NUP98: variants seen among roughly 807,000 people sequenced by gnomAD.
NUP98 encodes nuclear pore complex protein Nup98-Nup96.
In NUP98, 26 loss-of-function variants were observed where a neutral mutation model predicts 191.9. That is an observed-to-expected ratio of 0.14 (90% CI 0.10 to 0.19). NUP98 has a LOEUF of 0.19. Ranked by LOEUF, NUP98 falls within the 10% of genes least tolerant of loss-of-function variation. The pLI, the probability that NUP98 is intolerant of heterozygous loss-of-function variation, is 1.00. For missense variants in NUP98, 1,941 were observed against 2,178.8 expected, an observed-to-expected ratio of 0.89 and a Z score of 2.17; for synonymous variants, 808 against 778.4, an observed-to-expected ratio of 1.04 and a Z score of -0.63.
chr11:3,757,046 C>T (rs1266546014), intron 10 of NUP98, among the ~76,000 whole-genome samples: 2 of 151,130 alleles, frequency 1.3e-5, no homozygotes, highest in East Asian at 1.9e-4. Flanking sequence ...CGAGATCGTG[C>T]CGCTGCACTC....
chr11:3,702,320 CTCTCTCTCTCTCTCTCT>C (rs912780221), intron 23 of NUP98, 126 bp downstream of exon 23: 25 of 99,048 alleles, frequency 2.5e-4, no homozygotes, highest in South Asian at 1.7e-3. Context: ...CACACTCTCT[CTCTCTCTCTCTCTCTCT>C]CTCTCTCTCT....
intron 24 of NUP98, among the ~76,000 whole-genome samples, chr11:3,699,795 TAAAC>T (rs953664913): frequency 2.6e-5 from 4 of 152,158 alleles, no homozygotes; most frequent in African/African-American, 4.8e-5. Context: ...TGAAGGAACA[TAAAC>T]AAATCTCAAA....
chr11:3,688,265 G>C (rs2078189028), intron 28 of NUP98, among the ~76,000 whole-genome samples: 1 of 152,052 alleles, frequency 6.6e-6, no homozygotes, highest in African/African-American at 2.4e-5. Context: ...AATTAGCCGG[G>C]CGTGGTGGTG....
intron 31 of NUP98, among the ~76,000 whole-genome samples, chr11:3,677,228 C>T (rs1181718143): frequency 6.6e-6 from 1 of 152,090 alleles, no homozygotes; most frequent in Non-Finnish European, 1.5e-5. Flanking sequence ...AGAGAGGCTT[C>T]TTTAAGGAGG....
At chr11:3,744,697 A>G in intron 11 of NUP98, 48 bp from the exon 12 acceptor site, 1 of 1,563,694 alleles carries the variant, frequency 6.4e-7, no homozygotes, top group Admixed American at 2.1e-5. Flanking sequence ...GATCCTTTCA[A>G]TGTTGTGCCA....
chr11:3,715,030 T>C (rs1291654846), intron 18 of NUP98, among the ~76,000 whole-genome samples: 2 of 152,146 alleles, frequency 1.3e-5, no homozygotes, highest in African/African-American at 4.8e-5. Flanking sequence ...GATCAGACAG[T>C]AATTCTATTT....
intron 27 of NUP98, chr11:3,693,023 C>G: frequency 2.0e-6 from 1 of 492,596 alleles, no homozygotes; most frequent in Non-Finnish European, 3.6e-6. Flanking sequence ...GAAGAACCCT[C>G]TGATTTAGAG....
chr11:3,686,910 C>T (rs2078149780), intron 28 of NUP98, among the ~76,000 whole-genome samples: 1 of 152,066 alleles, frequency 6.6e-6, no homozygotes, highest in South Asian at 2.1e-4. Context: ...CTGCTGGAAC[C>T]CAGGAGGCGG....
intron 28 of NUP98, among the ~76,000 whole-genome samples, chr11:3,688,442 A>G (rs571562903): frequency 6.6e-6 from 1 of 151,230 alleles, no homozygotes; most frequent in Non-Finnish European, 1.5e-5. Flanking sequence ...ATAAATAAAA[A>G]CCAGTAAATT....
chr11:3,708,888 A>C (rs12292538), intron 20 of NUP98, among the ~76,000 whole-genome samples: 25,971 of 152,118 alleles, frequency 0.17, 2,428 homozygotes, highest in Non-Finnish European at 0.22. Context: ...AGGCAGCATC[A>C]TATTTATTTC....
chr11:3,762,475 G>GAGT (rs2081207722), intron 9 of NUP98, among the ~76,000 whole-genome samples: 1 of 151,910 alleles, frequency 6.6e-6, no homozygotes, highest in Non-Finnish European at 1.5e-5. Flanking sequence ...TTTCTTCCAT[G>GAGT]AGTACCTCAA....
chr11:3,776,067 A>C (rs2081713042), intron 4 of NUP98, 46 bp from the exon 5 acceptor site: 1 of 1,456,832 alleles, frequency 6.9e-7, no homozygotes, highest in African/African-American at 1.4e-5. Flanking sequence ...AAGAAATTTA[A>C]GAATGTATAA....
chr11:3,778,533 G>A (rs61896891), intron 4 of NUP98, among the ~76,000 whole-genome samples: 10,891 of 152,222 alleles, frequency 0.072, 410 homozygotes, highest in Middle Eastern at 0.1. Context: ...ATGGCTGACT[G>A]TAACACACTC....
At chr11:3,734,837 C>T (rs1375306299) in intron 13 of NUP98, among the ~76,000 whole-genome samples, 1 of 151,908 alleles carries the variant, frequency 6.6e-6, no homozygotes, top group African/African-American at 2.4e-5. Flanking sequence ...GAGACCGAGG[C>T]GGGAGGATTC....
In NUP98 at chr11:3,772,545, C is replaced by T. The variant is rs115440931; in HGVS notation, c.604-617G>A. On this transcript the variant is annotated intron_variant, in intron 6 of 32. Coordinates refer to ENST00000324932, the MANE Select transcript of NUP98 (RefSeq NM_016320.5). ...AAAAAGTACATAATGTGCCTGGGTG[C>T]TGCAGCTCATGCCTGTAATCCCAGC... Among the ~76,000 whole-genome samples, 614 of 152,248 alleles carry T rather than the reference C, an allele frequency of 4.0e-3. 2 individuals carry two copies. Among genetic ancestry groups the T allele is most frequent in the African/African-American group, 0.014 (577 of 41,558 alleles).
At chr11:3,732,465 T>C (rs2079884072) in intron 13 of NUP98, among the ~76,000 whole-genome samples, 1 of 152,206 alleles carries the variant, frequency 6.6e-6, no homozygotes, top group South Asian at 2.1e-4. Flanking sequence ...CCCAAAATCT[T>C]ATACTTCAAG....
chr11:3,796,776 G>C (rs919897381), intron 1 of NUP98, among the ~76,000 whole-genome samples: 2 of 152,186 alleles, frequency 1.3e-5, no homozygotes, highest in Non-Finnish European at 2.9e-5. Context: ...ATGTAAGGTA[G>C]GGGGATTGAC....
chr11:3,772,266 T>G (rs370444376), intron 6 of NUP98, among the ~76,000 whole-genome samples: 27 of 152,268 alleles, frequency 1.8e-4, no homozygotes, highest in African/African-American at 6.3e-4. Flanking sequence ...ATAAAAATTA[T>G]AGTGAATTAA....
intron 18 of NUP98, among the ~76,000 whole-genome samples, chr11:3,718,826 T>C (rs1198633973): frequency 6.6e-6 from 1 of 151,846 alleles, no homozygotes; most frequent in Non-Finnish European, 1.5e-5. Flanking sequence ...TTGGACCCAA[T>C]AAAATCAGGG....
Sources: allele counts gnomAD v4.1 joint callset (sites outside exome capture counted in the v4.1 genomes callset), GRCh38; gene constraint gnomAD v4.1.1; transcripts MANE v1.5; gene names NCBI Gene and HGNC (gene_info 2026-07-23, HGNC 2026-07-21).